The following VWC2L variants were observed in gnomAD, a reference collection of about 807,000 sequenced individuals.
The protein encoded by VWC2L is von Willebrand factor C domain-containing protein 2-like.
In VWC2L, 10 loss-of-function variants were observed where a neutral mutation model predicts 21.6. The ratio of observed to expected loss-of-function variants is 0.46; its 90% CI spans 0.29 to 0.78. VWC2L has a LOEUF of 0.78. Among genes scored for constraint, VWC2L ranks in the 30% least tolerant of loss-of-function variants. VWC2L has a pLI of 0.10. For missense variants in VWC2L, 209 were observed against 277.1 expected (o/e 0.75, Z 1.74); for synonymous variants, 96 against 94.3 (o/e 1.02, Z -0.10).
chr2:214,416,246 CTATT>C (rs1241200657), intron 2 of VWC2L, among the ~76,000 whole-genome samples: 6 of 152,150 alleles, frequency 3.9e-5, no homozygotes, highest in African/African-American at 9.6e-5. Context: ...AGTTTTCCCT[CTATT>C]TATTAGATTT....
At chr2:214,469,657 A>G (rs1703276361) in intron 3 of VWC2L, among the ~76,000 whole-genome samples, 1 of 152,192 alleles carries the variant, frequency 6.6e-6, no homozygotes, top group African/African-American at 2.4e-5. Context: ...GTACAGCATT[A>G]AAGATCTCTG....
At chr2:214,560,435 T>A (rs2105929075) in intron 3 of VWC2L, among the ~76,000 whole-genome samples, 1 of 152,308 alleles carries the variant, frequency 6.6e-6, no homozygotes, top group Non-Finnish European at 1.5e-5. Flanking sequence ...ATGTCCCATG[T>A]CCCTTTCCCT....
At chr2:214,455,245 TA>T (rs1241069476) in intron 3 of VWC2L, among the ~76,000 whole-genome samples, 1 of 152,138 alleles carries the variant, frequency 6.6e-6, no homozygotes, top group Non-Finnish European at 1.5e-5. Flanking sequence ...ACTTTTAAAA[TA>T]AATTTATTTT....
At chr2:214,515,176 G>A (rs1172386800) in intron 3 of VWC2L, among the ~76,000 whole-genome samples, 2 of 152,136 alleles carry the variant, frequency 1.3e-5, no homozygotes, top group Non-Finnish European at 2.9e-5. Context: ...AATATGGTAT[G>A]ATTGCATACT....
intron 3 of VWC2L, among the ~76,000 whole-genome samples, chr2:214,480,854 T>A: frequency 1.3e-5 from 1 of 78,002 alleles, no homozygotes; most frequent in African/African-American, 5.6e-5. Flanking sequence ...CAGAGGTCCA[T>A]ATGCCAAGCC....
intron 3 of VWC2L, among the ~76,000 whole-genome samples, chr2:214,574,168 GAAC>G (rs1337464214): frequency 6.6e-6 from 1 of 152,040 alleles, no homozygotes; most frequent in Non-Finnish European, 1.5e-5. Context: ...ACAACAAAAT[GAAC>G]AAGAAGCACC....
rs114757019 is a variant in VWC2L, at chr2:214,486,055, G to A, written c.520+49297G>A. Among the ~76,000 whole-genome samples, 230 of 152,190 alleles carry A rather than the reference G, an allele frequency of 1.5e-3. 1 individual carries two copies. The highest frequency in any genetic ancestry group is 5.3e-3 in the African/African-American group (222 of 41,514). Reference sequence around the variant, plus strand: ...TTTTTCTTCCTGTGTCATGTAATATGTGTACTTAGACACTCTGTCTGTGTA... The same window carrying A: ...TTTTTCTTCCTGTGTCATGTAATATATGTACTTAGACACTCTGTCTGTGTA... On this transcript the variant is annotated intron_variant, in intron 3 of 3. Transcript: ENST00000312504.
intron 2 of VWC2L, among the ~76,000 whole-genome samples, chr2:214,428,521 C>A (rs1193806800): frequency 6.6e-6 from 1 of 152,018 alleles, no homozygotes. Flanking sequence ...AGTACTCAGT[C>A]AAGATTTTTT....
At chr2:214,496,677 T>C (rs112464955) in intron 3 of VWC2L, among the ~76,000 whole-genome samples, 8,259 of 152,308 alleles carry the variant, frequency 0.054, 313 homozygotes, top group Non-Finnish European at 0.082. Flanking sequence ...GATTGTACTA[T>C]TGCTTAAAAT....
intron 3 of VWC2L, among the ~76,000 whole-genome samples, chr2:214,543,495 GT>G (rs972191082): frequency 1.3e-5 from 2 of 152,164 alleles, no homozygotes; most frequent in African/African-American, 4.8e-5. Flanking sequence ...CATAAACAGA[GT>G]TTTTTTGAAG....
chr2:214,493,002 A>T (rs906223161), intron 3 of VWC2L, among the ~76,000 whole-genome samples: 4 of 152,198 alleles, frequency 2.6e-5, no homozygotes, highest in African/African-American at 9.6e-5. Context: ...AATAGAATTG[A>T]TTTTCAGGGA....
intron 3 of VWC2L, among the ~76,000 whole-genome samples, chr2:214,500,620 T>G (rs951092465): frequency 6.6e-6 from 1 of 152,236 alleles, no homozygotes; most frequent in African/African-American, 2.4e-5. Context: ...AACTTGTACT[T>G]ACCTGCCCTT....
intron 3 of VWC2L, among the ~76,000 whole-genome samples, chr2:214,502,915 C>T (rs1688915710): frequency 2.0e-5 from 3 of 152,178 alleles, no homozygotes; most frequent in Non-Finnish European, 4.4e-5. Context: ...ATTACCATAA[C>T]GTCACATTTC....
chr2:214,536,193 T>G (rs1574623728), intron 3 of VWC2L, among the ~76,000 whole-genome samples: 1 of 152,136 alleles, frequency 6.6e-6, no homozygotes, highest in Non-Finnish European at 1.5e-5. Context: ...AAGATTTGAT[T>G]TTTTTTCTTT....
intron 2 of VWC2L, 143 bp downstream of exon 2, chr2:214,414,726 T>A: frequency 1.1e-6 from 1 of 905,466 alleles, no homozygotes; most frequent in Non-Finnish European, 1.6e-6. Context: ...TTACCATAAG[T>A]AGCACCATGG....
chr2:214,434,421 A>G (rs1252618660), intron 2 of VWC2L, among the ~76,000 whole-genome samples: 3 of 152,178 alleles, frequency 2.0e-5, no homozygotes, highest in Non-Finnish European at 4.4e-5. Context: ...CTAAGTTTCC[A>G]TAATAATCTC....
chr2:214,549,136 T>C (rs1468086341), intron 3 of VWC2L, among the ~76,000 whole-genome samples: 2 of 152,196 alleles, frequency 1.3e-5, no homozygotes, highest in Non-Finnish European at 2.9e-5. Context: ...CCACACTTCC[T>C]CTGATCCACC....
At chr2:214,544,531 G>T (rs753507839) in intron 3 of VWC2L, among the ~76,000 whole-genome samples, 2 of 152,052 alleles carry the variant, frequency 1.3e-5, no homozygotes. Context: ...CTAAGGACTG[G>T]TACGCTTGTT....
intron 3 of VWC2L, among the ~76,000 whole-genome samples, chr2:214,482,578 G>A (rs1688619136): frequency 1.4e-5 from 2 of 143,982 alleles, no homozygotes; most frequent in South Asian, 4.4e-4. Flanking sequence ...TCTCCAAACT[G>A]GTAAACAAAT....
Sources: gnomAD v4.1 joint callset for allele counts (sites outside exome capture counted in the v4.1 genomes callset) on GRCh38, gnomAD v4.1.1 for gene constraint, MANE v1.5 for transcripts, NCBI Gene and HGNC (gene_info 2026-07-23, HGNC 2026-07-21) for gene names.